PCDHB2: variants seen among roughly 807,000 people sequenced by gnomAD.
The protein encoded by PCDHB2 is protocadherin beta-2.
For missense variants in PCDHB2, 914 were observed against 1,023.1 expected (o/e 0.89, Z 1.45); for synonymous variants, 395 against 464.9 (o/e 0.85, Z 1.93).
In PCDHB2 at chr5:141,095,321, T is replaced by C; in HGVS notation, c.531T>C (p.Asn177=). Residue 177 remains asparagine (N), a synonymous_variant, in exon 1 of 1, where the codon AAT becomes AAC. Coordinates refer to ENST00000194155, the MANE Select transcript of PCDHB2 (RefSeq NM_018936.4). ...NSLQNYTISP[N]FHFHLNLQDS... ...TCCAAAATTACACAATCAGTCCCAA[T>C]TTCCACTTTCATCTTAATTTACAAG... 1 of 1,613,966 alleles carries C rather than the reference T, an allele frequency of 6.2e-7. No homozygotes were observed. Among genetic ancestry groups the C allele is most frequent in the Non-Finnish European group, 8.5e-7 (1 of 1,179,930 alleles).
Position 141,095,347 on chromosome 5 carries a change from A to G in PCDHB2, c.557A>G (p.Asp186Gly). ...PNFHFHLNLQ[D>G]SLDGIILPQL... ...TTCCACTTTCATCTTAATTTACAAG[A>G]CAGTCTCGATGGCATAATATTACCA... is the stretch of plus-strand genomic sequence containing the variant. Residue 186 changes from aspartate to glycine, a missense_variant, in exon 1 of 1, where the codon GAC becomes GGC. Physicochemically the swap from Asp to Gly is moderately conservative, Grantham distance 94. Transcript: ENST00000194155. 1 of 1,613,780 alleles carries G rather than the reference A, an allele frequency of 6.2e-7. No homozygotes were observed. The highest frequency in any genetic ancestry group is 2.2e-5 in the East Asian group (1 of 44,874).
rs782054913 is a variant in PCDHB2 at position 141,096,077 on chromosome 5, G to T, written c.1287G>T (p.Gly429=). 1 of 1,613,968 alleles carries T rather than the reference G, an allele frequency of 6.2e-7. No individual in the cohort carries two copies. Among genetic ancestry groups the T allele is most frequent in the African/African-American group, 1.3e-5 (1 of 74,910 alleles). Residue 429 remains glycine (G), a synonymous_variant, in exon 1 of 1, where the codon GGG becomes GGT. Transcript: ENST00000194155. ...YNITITVTDF[G]TPRLKTEHNI... ...TCACCATCACCGTCACCGACTTCGG[G>T]ACACCCAGGCTGAAAACCGAGCACA...
Position 141,095,648 on chromosome 5 carries a change from A to G in PCDHB2, c.858A>G (p.Ala286=). 9 of 1,614,242 alleles carry G rather than the reference A, an allele frequency of 5.6e-6. No individual in the cohort carries two copies. Among genetic ancestry groups the G allele is most frequent in the Non-Finnish European group, 7.6e-6 (9 of 1,180,050 alleles). The change falls in exon 1 of 1, where the codon GCA becomes GCG. Residue 286 remains alanine, a synonymous_variant. Transcript: ENST00000194155. ...AAATATCTTATGCATTTTCCCAAGCATCTGAAGACATTCGCAAAACGTTTC... is the reference window on the plus strand; with the variant it reads ...AAATATCTTATGCATTTTCCCAAGCGTCTGAAGACATTCGCAAAACGTTTC... ...NGEISYAFSQ[A]SEDIRKTFRL... is the part of the protein sequence containing the mutation.
Position 141,095,955 on chromosome 5 carries a change from G to C in PCDHB2, c.1165G>C (p.Asp389His). The stretch of plus-strand genomic sequence containing the variant: ...CGGAAGGATGGTGTGCTCCATCCAA[G>C]ATGATCTTCCTTTTTTCTTGAAACC... ...DNGRMVCSIQ[D>H]DLPFFLKPSV... Residue 389 changes from aspartate to histidine, a missense_variant, in exon 1 of 1, where the codon GAT becomes CAT. Transcript: ENST00000194155. The C allele has an allele frequency of 6.2e-7, 1 of 1,614,152 alleles. No homozygotes were observed. The highest frequency in any genetic ancestry group is 8.5e-7 in the Non-Finnish European group (1 of 1,180,030).
In PCDHB2 at chr5:141,094,718, G is replaced by T; in HGVS notation, c.-73G>T. On this transcript the variant is annotated 5_prime_UTR_variant, in exon 1 of 1. Coordinates refer to ENST00000194155, the MANE Select transcript of PCDHB2 (RefSeq NM_018936.4). ...ATTGTCCACTCATCCCAGTATCAGC[G>T]AGATACGGGGAGATAGAGTTAGCGA... 8.2e-7 allele frequency: 1 copy of T among 1,219,254 alleles called. No individual in the cohort carries two copies. The highest frequency in any genetic ancestry group is 1.5e-5 in the South Asian group (1 of 66,680). The allele number at this position is 1,219,254 out of a possible 1,614,324, so 75.5% of individuals were successfully genotyped here. A position where few individuals can be genotyped will look rare whatever the true frequency, so the allele number is the denominator to read the frequency against.
In PCDHB2 at chr5:141,096,704, C is replaced by G. The variant is rs1751836813; in HGVS notation, c.1914C>G (p.Ala638=). 6.2e-7 allele frequency: 1 copy of G among 1,610,614 alleles called. No homozygotes were observed. The highest frequency in any genetic ancestry group is 1.3e-5 in the African/African-American group (1 of 74,868). ...GGCTGCTGAGGGAGCGCGACGCTGC[C>G]AAGCAGAGGCTGGTGGTGCTGGTCA... ...TARLLRERDA[A]KQRLVVLVKD... Residue 638 remains alanine, a synonymous_variant, in exon 1 of 1, where the codon GCC becomes GCG. Transcript: ENST00000194155.
In PCDHB2 at chr5:141,097,287, A is replaced by C; in HGVS notation, c.*100A>C. 7.6e-7 allele frequency: 1 copy of C among 1,311,682 alleles called. No homozygotes were observed. Among genetic ancestry groups the C allele is most frequent in the Non-Finnish European group, 1.0e-6 (1 of 954,830 alleles). 81.3% of individuals were successfully genotyped at this position (1,311,682 alleles called of 1,614,324 possible). ...AGGTGTCTCCTTTTATTAGAAAGTAACCATCTTATTCCAATTCTATGCATG... is the reference window on the plus strand; with the variant it reads ...AGGTGTCTCCTTTTATTAGAAAGTACCCATCTTATTCCAATTCTATGCATG... On this transcript the variant is annotated 3_prime_UTR_variant, in exon 1 of 1. Coordinates refer to ENST00000194155, the MANE Select transcript of PCDHB2 (RefSeq NM_018936.4).
rs1751791610 is a variant in PCDHB2 at position 141,095,548 on chromosome 5, T to C, written c.758T>C (p.Ile253Thr). 1.2e-6 allele frequency: 2 copies of C among 1,613,990 alleles called. No individual in the cohort carries two copies. ...EFAKLLYEVQ[I>T]PEDSPVGSQV... is the part of the protein sequence containing the mutation. ...GCAAAGCTGCTCTATGAGGTGCAGA[T>C]CCCGGAGGACAGCCCCGTTGGATCC... The change falls in exon 1 of 1, where the codon ATC becomes ACC. Residue 253 changes from isoleucine to threonine, a missense_variant. Physicochemically the swap from Ile to Thr is moderately conservative, Grantham distance 89. Transcript: ENST00000194155.
chr5:141,096,791 C>T lies in PCDHB2; in HGVS notation c.2001C>T (p.Gly667=). The change falls in exon 1 of 1, where the codon GGC becomes GGT. Residue 667 remains glycine (G), a synonymous_variant. Coordinates refer to ENST00000194155, the MANE Select transcript of PCDHB2 (RefSeq NM_018936.4). ...TATLHVLLVD[G]FSQPYLLLPE... is the part of the protein sequence containing the mutation. ...CGCTGCACGTGCTCCTGGTGGACGGCTTCTCCCAGCCCTACCTGCTGCTCC... is the reference window on the plus strand; with the variant it reads ...CGCTGCACGTGCTCCTGGTGGACGGTTTCTCCCAGCCCTACCTGCTGCTCC... The T allele has an allele frequency of 6.2e-7, 1 of 1,610,212 alleles. No individual in the cohort carries two copies. The highest frequency in any genetic ancestry group is 1.1e-5 in the South Asian group (1 of 90,968).
Position 141,094,975 on chromosome 5 carries a change from C to T in PCDHB2, c.185C>T (p.Ala62Val). 6.2e-7 allele frequency: 1 copy of T among 1,613,558 alleles called. No individual in the cohort carries two copies. Among genetic ancestry groups the T allele is most frequent in the Non-Finnish European group, 8.5e-7 (1 of 1,179,842 alleles). The change falls in exon 1 of 1, where the codon GCT (alanine) becomes GTT (valine). Residue 62 changes from alanine (A) to valine (V), a missense_variant. Coordinates refer to ENST00000194155, the MANE Select transcript of PCDHB2 (RefSeq NM_018936.4). ...KDLGLEIGEL[A>V]VRGARVVSKG... is the part of the protein sequence containing the mutation. Reference sequence around the variant, plus strand: ...CTGGGGCTGGAGATAGGAGAACTTGCTGTGAGGGGGGCCAGGGTCGTTTCC... The same window carrying T: ...CTGGGGCTGGAGATAGGAGAACTTGTTGTGAGGGGGGCCAGGGTCGTTTCC...
chr5:141,095,203 AAG>A lies in PCDHB2; in HGVS notation c.415_416del (p.Glu139AsnfsTer44). On this transcript the variant is annotated frameshift_variant, in exon 1 of 1. Coordinates refer to ENST00000194155, the MANE Select transcript of PCDHB2 (RefSeq NM_018936.4). LOFTEE classifies it low-confidence loss of function (END_TRUNC). ...GATCATTCCCCAGTTTTCCTAGACA[AAG>A]AAATACTTTTGAAAATTCCAGAAAG... 6.2e-7 allele frequency: 1 copy of A among 1,610,900 alleles called. No individual in the cohort carries two copies. Among genetic ancestry groups the A allele is most frequent in the Non-Finnish European group, 8.5e-7 (1 of 1,178,464 alleles).
chr5:141,096,096 G>T lies in PCDHB2; in HGVS notation c.1306G>T (p.Glu436Ter), dbSNP rs781908951. ...CTTCGGGACACCCAGGCTGAAAACCGAGCACAACATAACCGTGCTGGTCTC... is the reference window on the plus strand; with the variant it reads ...CTTCGGGACACCCAGGCTGAAAACCTAGCACAACATAACCGTGCTGGTCTC... ...TDFGTPRLKT[E>*]HNITVLVSDV... Residue 436 changes from glutamate (E) to a stop codon, truncating the protein, a stop_gained, in exon 1 of 1, where the codon GAG becomes TAG. Coordinates refer to ENST00000194155, the MANE Select transcript of PCDHB2 (RefSeq NM_018936.4). LOFTEE classifies it low-confidence loss of function (END_TRUNC). 3 of 1,613,850 alleles carry T rather than the reference G, an allele frequency of 1.9e-6. No homozygotes were observed. The highest frequency in any genetic ancestry group is 2.5e-6 in the Non-Finnish European group (3 of 1,180,038).
chr5:141,095,615 T>G lies in PCDHB2; in HGVS notation c.825T>G (p.Thr275=), dbSNP rs1554271295. The G allele has an allele frequency of 6.2e-7, 1 of 1,614,170 alleles. No homozygotes were observed. The highest frequency in any genetic ancestry group is 8.5e-7 in the Non-Finnish European group (1 of 1,180,032). ...IVSARDLDIG[T]NGEISYAFSQ... ...CTGCCAGGGATTTAGACATTGGAAC[T>G]AATGGAGAAATATCTTATGCATTTT... Residue 275 remains threonine (T), a synonymous_variant, in exon 1 of 1, where the codon ACT becomes ACG. Coordinates refer to ENST00000194155, the MANE Select transcript of PCDHB2 (RefSeq NM_018936.4).
In PCDHB2 at chr5:141,098,280, A is replaced by G. The variant is rs1371177605; in HGVS notation, c.*1093A>G. On this transcript the variant is annotated 3_prime_UTR_variant, in exon 1 of 1. Transcript: ENST00000194155. Reference sequence around the variant, plus strand: ...CCTTTAAAATCTTTTAAAATTATTAATAACCTATTAACTTTGAGCACTTCA... The same window carrying G: ...CCTTTAAAATCTTTTAAAATTATTAGTAACCTATTAACTTTGAGCACTTCA... The G allele has an allele frequency of 6.6e-6, 1 of 152,172 alleles. No homozygotes were observed. The highest frequency in any genetic ancestry group is 1.5e-5 in the Non-Finnish European group (1 of 68,042). The allele number at this position is 152,172 out of a possible 1,614,324, so 9.4% of individuals were successfully genotyped here. A position where few individuals can be genotyped will look rare whatever the true frequency, so the allele number is the denominator to read the frequency against.
In PCDHB2 at chr5:141,097,794, G is replaced by T. The variant is rs1363907231; in HGVS notation, c.*607G>T. Reference sequence around the variant, plus strand: ...GGCTCGCCGCAACCTCTGCCTCCCGGGTTCAAGCGATTCTCCTGCCTCAGC... The same window carrying T: ...GGCTCGCCGCAACCTCTGCCTCCCGTGTTCAAGCGATTCTCCTGCCTCAGC... On this transcript the variant is annotated 3_prime_UTR_variant, in exon 1 of 1. Transcript: ENST00000194155. 6 of 152,106 alleles carry T rather than the reference G, an allele frequency of 3.9e-5. No individual in the cohort carries two copies. The highest frequency in any genetic ancestry group is 1.5e-4 in the African/African-American group (6 of 41,320). 9.4% of individuals were successfully genotyped at this position (152,106 alleles called of 1,614,324 possible). A position where few individuals can be genotyped will look rare whatever the true frequency, so the allele number is the denominator to read the frequency against.
In PCDHB2 at chr5:141,095,447, C is replaced by A; in HGVS notation, c.657C>A (p.Gly219=). The A allele has an allele frequency of 1.2e-6, 2 of 1,614,086 alleles. No homozygotes were observed. Among genetic ancestry groups the A allele is most frequent in the Non-Finnish European group, 1.7e-6 (2 of 1,180,024 alleles). Residue 219 remains glycine (G), a synonymous_variant, in exon 1 of 1, where the codon GGC becomes GGA. Transcript: ENST00000194155. Reference sequence around the variant, plus strand: ...GGTTAACCCTCACAGCGCTAGATGGCGGGAGTCCACCCAGGTCCGGCACGG... The same window carrying A: ...GGTTAACCCTCACAGCGCTAGATGGAGGGAGTCCACCCAGGTCCGGCACGG... ...EIRLTLTALD[G]GSPPRSGTAL...
Position 141,095,814 on chromosome 5 carries a change from T to A in PCDHB2, c.1024T>A (p.Leu342Met). The change falls in exon 1 of 1, where the codon TTG becomes ATG. Residue 342 changes from leucine (L) to methionine (M), a missense_variant. Coordinates refer to ENST00000194155, the MANE Select transcript of PCDHB2 (RefSeq NM_018936.4). ...TCVVFVQVMD[L>M]NDNPPELTMS... ...TGTGGTATTTGTCCAAGTGATGGATTTGAATGACAATCCTCCGGAACTAAC... is the reference window on the plus strand; with the variant it reads ...TGTGGTATTTGTCCAAGTGATGGATATGAATGACAATCCTCCGGAACTAAC... 1 of 1,614,134 alleles carries A rather than the reference T, an allele frequency of 6.2e-7. No individual in the cohort carries two copies. The highest frequency in any genetic ancestry group is 1.1e-5 in the South Asian group (1 of 91,084).
Position 141,096,207 on chromosome 5 carries a change from G to A in PCDHB2, c.1417G>A (p.Gly473Ser), listed in dbSNP as rs782786581. Reference protein sequence around the residue: ...RENNSPALHIGSVSATDRDSG... With the variant: ...RENNSPALHISSVSATDRDSG... Reference sequence around the variant, plus strand: ...GAACAACAGCCCCGCCCTGCACATCGGCAGCGTCAGCGCCACAGACAGAGA... The same window carrying A: ...GAACAACAGCCCCGCCCTGCACATCAGCAGCGTCAGCGCCACAGACAGAGA... The change falls in exon 1 of 1, where the codon GGC becomes AGC. Residue 473 changes from glycine to serine, a missense_variant. Gly to Ser is a moderately conservative substitution (Grantham distance 56). Coordinates refer to ENST00000194155, the MANE Select transcript of PCDHB2 (RefSeq NM_018936.4). 1 of 1,612,946 alleles carries A rather than the reference G, an allele frequency of 6.2e-7. No individual in the cohort carries two copies. The highest frequency in any genetic ancestry group is 1.1e-5 in the South Asian group (1 of 90,998).
At position 141,096,395 on chromosome 5, in the gene PCDHB2, C is replaced by T; in HGVS notation, c.1605C>T (p.Ala535=). 2 of 1,612,436 alleles carry T rather than the reference C, an allele frequency of 1.2e-6. No homozygotes were observed. Among genetic ancestry groups the T allele is most frequent in the Non-Finnish European group, 1.7e-6 (2 of 1,179,738 alleles). ...ALQAFEFRVG[A]ADRGSPALSS... ...AGGCGTTCGAGTTCCGCGTGGGCGC[C>T]GCAGACCGCGGCTCCCCGGCGTTGA... Residue 535 remains alanine, a synonymous_variant, in exon 1 of 1, where the codon GCC becomes GCT. Transcript: ENST00000194155.
Sources: allele counts gnomAD v4.1 joint callset, GRCh38; gene constraint gnomAD v4.1.1; transcripts MANE v1.5; gene names NCBI Gene and HGNC (gene_info 2026-07-23, HGNC 2026-07-21).